Variants in ROR1 observed in about 807,000 individuals in gnomAD.
The protein encoded by ROR1 is ROR family WNT receptor 1.
ROR1 carries 19 observed loss-of-function variants against 78.8 expected under a neutral mutation model. The observed-to-expected ratio is 0.24, with a 90% CI of 0.17 to 0.35. The LOEUF is 0.35. Among genes scored for constraint, ROR1 ranks in the 10% least tolerant of loss-of-function variants. ROR1 has a pLI of 1.00. For synonymous variants in ROR1, 386 were observed against 433.6 expected (o/e 0.89, Z 1.36); for missense variants, 917 against 1,177.8 (o/e 0.78, Z 3.24).
At chr1:64,058,270 CAA>C in intron 4 of ROR1, among the ~76,000 whole-genome samples, 1 of 152,048 alleles carries the variant, frequency 6.6e-6, no homozygotes, top group Admixed American at 6.5e-5. Flanking sequence ...GTGTCATCTG[CAA>C]AAAGAGATTG....
intron 1 of ROR1, among the ~76,000 whole-genome samples, chr1:63,956,518 A>G (rs1422760071): frequency 6.6e-6 from 1 of 152,154 alleles, no homozygotes; most frequent in Admixed American, 6.5e-5. Context: ...TTTAAGAAAC[A>G]TTGGCTGTTA....
At chr1:63,945,999 C>G (rs1296453290) in intron 1 of ROR1, among the ~76,000 whole-genome samples, 2 of 152,196 alleles carry the variant, frequency 1.3e-5, no homozygotes, top group Non-Finnish European at 2.9e-5. Context: ...GCTTCCTGGT[C>G]CTCCTAGGCA....
At chr1:64,105,860 G>T (rs557530319) in intron 4 of ROR1, 1 of 152,322 alleles carries the variant, frequency 6.6e-6, no homozygotes, top group South Asian at 2.1e-4. Flanking sequence ...GGTTACTGTA[G>T]CCTGTAGTAT....
At chr1:63,974,678 CCCAG>C (rs1479302388) in intron 1 of ROR1, among the ~76,000 whole-genome samples, 1 of 151,990 alleles carries the variant, frequency 6.6e-6, no homozygotes, top group Non-Finnish European at 1.5e-5. Context: ...TGCGCTGTTG[CCCAG>C]GCTGGAGTGC....
intron 1 of ROR1, among the ~76,000 whole-genome samples, chr1:63,791,361 T>C (rs796831015): frequency 3.3e-4 from 50 of 152,052 alleles, no homozygotes; most frequent in African/African-American, 1.1e-3. Flanking sequence ...TTTTTTTCAC[T>C]GGAAAAAAAT....
chr1:64,104,661 T>C (rs1647716762), intron 4 of ROR1, among the ~76,000 whole-genome samples: 2 of 152,074 alleles, frequency 1.3e-5, no homozygotes, highest in African/African-American at 4.8e-5. Context: ...CCTCCCTGTG[T>C]CCATGTGTTA....
At chr1:63,884,982 G>A (rs1214867913) in intron 1 of ROR1, among the ~76,000 whole-genome samples, 1 of 151,994 alleles carries the variant, frequency 6.6e-6, no homozygotes, top group Non-Finnish European at 1.5e-5. Context: ...GAGTAACTCT[G>A]GGCAAGTTGC....
At chr1:63,948,035 T>C (rs1231400286) in intron 1 of ROR1, among the ~76,000 whole-genome samples, 5 of 152,174 alleles carry the variant, frequency 3.3e-5, no homozygotes, top group Non-Finnish European at 7.3e-5. Context: ...TGCTGTTTTC[T>C]CCACTTTACA....
chr1:63,842,783 C>T (rs1645056846), intron 1 of ROR1, among the ~76,000 whole-genome samples: 2 of 151,928 alleles, frequency 1.3e-5, no homozygotes, highest in African/African-American at 2.4e-5. Flanking sequence ...GAGGGGTCAT[C>T]TCCACAACAT....
intron 8 of ROR1, among the ~76,000 whole-genome samples, chr1:64,167,250 T>C (rs1475349476): frequency 6.6e-6 from 1 of 152,200 alleles, no homozygotes; most frequent in Non-Finnish European, 1.5e-5. Flanking sequence ...GTTCTGTCTA[T>C]TTCCAGGCAG....
chr1:64,178,829 G>A lies in ROR1; in HGVS notation c.2788G>A (p.Glu930Lys), dbSNP rs778919689. The stretch of plus-strand genomic sequence containing the variant: ...AGACGCCAATATTCATGGACACACC[G>A]AATCTATGATTTCTGCAGAACTGTA... ...LGDANIHGHT[E>K]SMISAEL Residue 930 changes from glutamate (E) to lysine (K), a missense_variant, in exon 9 of 9, where the codon GAA (glutamate) becomes AAA (lysine). This residue lies in a region of ROR1 where 835 missense variants were observed against 1,069.8 expected (regional missense o/e 0.78). Coordinates refer to ENST00000371079, the MANE Select transcript of ROR1 (RefSeq NM_005012.4). The surrounding 1 kb of genome is among the most constrained non-coding windows in gnomAD (Gnocchi z 4.3). 9.9e-6 allele frequency: 16 copies of A among 1,613,322 alleles called. No homozygotes were observed. The highest frequency in any genetic ancestry group is 4.5e-5 in the East Asian group (2 of 44,888).
At chr1:64,054,013 G>A (rs1300673146) in intron 4 of ROR1, among the ~76,000 whole-genome samples, 5 of 150,460 alleles carry the variant, frequency 3.3e-5, no homozygotes, top group Non-Finnish European at 7.4e-5. Flanking sequence ...GTGCAGTGGT[G>A]TATGATCTTG....
intron 2 of ROR1, among the ~76,000 whole-genome samples, chr1:64,016,442 G>A (rs961494333): frequency 6.6e-6 from 1 of 151,946 alleles, no homozygotes; most frequent in Non-Finnish European, 1.5e-5. Context: ...TTAATTTATA[G>A]TACCTGATCC....
At chr1:63,887,075 G>A (rs1323104946) in intron 1 of ROR1, among the ~76,000 whole-genome samples, 1 of 152,210 alleles carries the variant, frequency 6.6e-6, no homozygotes, top group Non-Finnish European at 1.5e-5. Context: ...GGGCAGGTCA[G>A]ACCATGGCCT....
intron 4 of ROR1, among the ~76,000 whole-genome samples, chr1:64,114,556 T>C (rs567270810): frequency 2.6e-5 from 4 of 152,268 alleles, no homozygotes; most frequent in South Asian, 2.1e-4. Flanking sequence ...GAGGGAGACA[T>C]GCTTAAGCAT....
intron 4 of ROR1, among the ~76,000 whole-genome samples, chr1:64,081,761 A>G (rs571605478): frequency 3.9e-4 from 56 of 145,042 alleles, no homozygotes; most frequent in African/African-American, 1.4e-3. Context: ...ACAGCGCGAG[A>G]CACTGTCAAA....
intron 1 of ROR1, among the ~76,000 whole-genome samples, chr1:63,990,968 G>T (rs1400673459): frequency 1.3e-5 from 2 of 152,178 alleles, no homozygotes; most frequent in African/African-American, 4.8e-5. Context: ...TATTAGACTG[G>T]AGTGCAATGG....
intron 1 of ROR1, among the ~76,000 whole-genome samples, chr1:63,839,508 T>G (rs1427453795): frequency 1.3e-5 from 2 of 152,214 alleles, no homozygotes; most frequent in East Asian, 3.8e-4. Context: ...TTGAACTTTT[T>G]TTTTGTTTTT....
At chr1:63,999,675 C>G (rs1226816097) in intron 1 of ROR1, among the ~76,000 whole-genome samples, 1 of 152,074 alleles carries the variant, frequency 6.6e-6, no homozygotes, top group Non-Finnish European at 1.5e-5. Context: ...AATAGGTGCT[C>G]AATAAATATT....
Sources: gnomAD v4.1 joint callset for allele counts (sites outside exome capture counted in the v4.1 genomes callset) on GRCh38, gnomAD v4.1.1 for gene constraint, gnomAD v4.1.1 regional missense constraint, Gnocchi (gnomAD v3.1) non-coding constraint, MANE v1.5 for transcripts, NCBI Gene and HGNC (gene_info 2026-07-23, HGNC 2026-07-21) for gene names.